MAF: variants seen among roughly 807,000 people sequenced by gnomAD.
MAF encodes transcription factor Maf.
MAF carries 10 observed loss-of-function variants against 22.0 expected under a neutral mutation model. That is an observed-to-expected ratio of 0.45 (90% CI 0.28 to 0.77). The LOEUF (loss-of-function observed/expected upper bound fraction) is 0.77, where lower values mean the gene tolerates loss of function less well. Ranked by LOEUF, MAF falls within the 30% of genes least tolerant of loss-of-function variation. The pLI is 0.12. For synonymous variants in MAF, 337 were observed against 255.8 expected (o/e 1.32, Z -3.03); for missense variants, 544 against 548.4 (o/e 0.99, Z 0.08).
chr16:79,272,215 C>T, the MAF span, among the ~76,000 whole-genome samples: 7 of 152,324 alleles, frequency 4.6e-5, no homozygotes, highest in East Asian at 3.9e-4. Flanking sequence ...GAGACAGAGG[C>T]GTTGAGCGGT....
intron 1 of MAF, among the ~76,000 whole-genome samples, chr16:79,587,303 AT>A (rs1912906276): frequency 6.6e-6 from 1 of 152,206 alleles, no homozygotes; most frequent in South Asian, 2.1e-4. Flanking sequence ...TATGCAAAAA[AT>A]AATAGGAAAG....
chr16:79,383,928 A>C, the MAF span, among the ~76,000 whole-genome samples: 5 of 152,216 alleles, frequency 3.3e-5, no homozygotes, highest in African/African-American at 9.7e-5. Flanking sequence ...CCAAAAGTAC[A>C]AGATACAAAA....
chr16:79,514,635 C>T, the MAF span, among the ~76,000 whole-genome samples: 3 of 152,150 alleles, frequency 2.0e-5, no homozygotes, highest in Non-Finnish European at 4.4e-5. Flanking sequence ...CGGTTTGAAA[C>T]TAAGATCTAT....
chr16:79,340,531 CA>C, the MAF span, among the ~76,000 whole-genome samples: 1 of 151,622 alleles, frequency 6.6e-6, no homozygotes, highest in Non-Finnish European at 1.5e-5. Context: ...AAACAGCCAA[CA>C]GCAAAATTTT....
chr16:79,508,333 G>A, the MAF span, among the ~76,000 whole-genome samples: 27 of 152,294 alleles, frequency 1.8e-4, no homozygotes, highest in African/African-American at 6.3e-4. Flanking sequence ...AGGCAGCAGA[G>A]TGAAACTGAG....
chr16:79,375,459 A>G, the MAF span, among the ~76,000 whole-genome samples: 1 of 152,140 alleles, frequency 6.6e-6, no homozygotes, highest in African/African-American at 2.4e-5. Context: ...GTTCTTTCCC[A>G]CAGGGCATGG....
the MAF span, among the ~76,000 whole-genome samples, chr16:79,318,676 T>C: frequency 1.3e-5 from 2 of 152,198 alleles, no homozygotes; most frequent in Admixed American, 6.5e-5. Flanking sequence ...ATGGCTCCTT[T>C]TAAAATCATC....
At chr16:79,260,553 G>C in the MAF span, among the ~76,000 whole-genome samples, 3 of 151,598 alleles carry the variant, frequency 2.0e-5, no homozygotes, top group African/African-American at 7.3e-5. Context: ...TGAGAGCAGG[G>C]ATTTCACCAT....
chr16:79,512,434 A>G, the MAF span, among the ~76,000 whole-genome samples: 2 of 152,164 alleles, frequency 1.3e-5, no homozygotes, highest in Non-Finnish European at 1.5e-5. Context: ...CCAGCGGTGC[A>G]GTGGGTTCCA....
the MAF span, among the ~76,000 whole-genome samples, chr16:79,321,835 G>A: frequency 6.6e-6 from 1 of 151,874 alleles, no homozygotes; most frequent in African/African-American, 2.4e-5. Flanking sequence ...GATTACAGGT[G>A]TGAACCACCG....
At chr16:79,540,158 A>C in the MAF span, among the ~76,000 whole-genome samples, 1 of 151,900 alleles carries the variant, frequency 6.6e-6, no homozygotes, top group Non-Finnish European at 1.5e-5. Flanking sequence ...AGGCAGGTGG[A>C]GGACCAGAGG....
At chr16:79,520,473 C>CTG in the MAF span, among the ~76,000 whole-genome samples, 1 of 152,010 alleles carries the variant, frequency 6.6e-6, no homozygotes, top group African/African-American at 2.4e-5. Context: ...CTCTATCTCT[C>CTG]TGTGTGTGTG....
chr16:79,580,914 A>G (rs191283877), downstream of MAF, among the ~76,000 whole-genome samples: 1 of 152,164 alleles, frequency 6.6e-6, no homozygotes, highest in Non-Finnish European at 1.5e-5. Flanking sequence ...GAGAACTTCA[A>G]GTATGTGCTA....
the MAF span, among the ~76,000 whole-genome samples, chr16:79,363,651 C>T: frequency 3.0e-4 from 45 of 152,140 alleles, no homozygotes; most frequent in South Asian, 1.9e-3. Flanking sequence ...TACAATACAA[C>T]GAAATTGGTA....
At chr16:79,291,576 C>G in the MAF span, among the ~76,000 whole-genome samples, 1 of 151,322 alleles carries the variant, frequency 6.6e-6, no homozygotes, top group African/African-American at 2.4e-5. Flanking sequence ...TCCTCTGAAC[C>G]TATCTGGGGG....
At chr16:79,522,670 T>G in the MAF span, among the ~76,000 whole-genome samples, 1 of 152,152 alleles carries the variant, frequency 6.6e-6, no homozygotes, top group Non-Finnish European at 1.5e-5. Flanking sequence ...AGGGTCCCAG[T>G]AAAGTGCTCT....
downstream of MAF, among the ~76,000 whole-genome samples, chr16:79,591,295 T>G (rs1165210515): frequency 1.3e-5 from 2 of 151,822 alleles, no homozygotes; most frequent in African/African-American, 4.8e-5. Flanking sequence ...GGTTGAGGAG[T>G]GCAGGGGAAA....
chr16:79,529,024 G>A, the MAF span, among the ~76,000 whole-genome samples: 1 of 152,180 alleles, frequency 6.6e-6, no homozygotes, highest in Admixed American at 6.5e-5. Flanking sequence ...GAGCTGTCAG[G>A]AGCTTCTACT....
the MAF span, among the ~76,000 whole-genome samples, chr16:79,217,238 C>G: frequency 2.6e-5 from 4 of 152,210 alleles, no homozygotes; most frequent in African/African-American, 4.8e-5. Context: ...TCTCCACAGT[C>G]TCATAGCTGG....
Sources: gnomAD v4.1 joint callset for allele counts (sites outside exome capture counted in the v4.1 genomes callset) on GRCh38, gnomAD v4.1.1 for gene constraint, MANE v1.5 for transcripts, NCBI Gene and HGNC (gene_info 2026-07-23, HGNC 2026-07-21) for gene names.